Variants in CDH13 observed in about 807,000 individuals in gnomAD.
CDH13 encodes the protein cadherin-13.
A neutral mutation model predicts 63.8 loss-of-function variants in CDH13; 24 were observed. The observed-to-expected ratio is 0.38, with a 90% CI of 0.27 to 0.53. The LOEUF is 0.53. Among genes scored for constraint, CDH13 ranks in the 20% least tolerant of loss-of-function variants. CDH13 has a pLI of 0.85. For synonymous variants in CDH13, 503 were observed against 355.3 expected, an observed-to-expected ratio of 1.42 and a Z score of -4.67; for missense variants, 1,049 against 903.1, an observed-to-expected ratio of 1.16 and a Z score of -2.07.
rs748032973 is a variant in CDH13, at chr16:83,402,388, C to T, written c.781+57382C>T. Among the ~76,000 whole-genome samples the T allele has an allele frequency of 3.3e-5, 5 of 152,324 alleles. No homozygotes were observed. The South Asian group carries it at 1.0e-3, about 32-fold the overall frequency. ...GTATAGCTCCCACTAGTGTGTTGCT[C>T]TTATCCCACAAGAACGTGACTATCC... On this transcript the variant is annotated intron_variant, in intron 6 of 13. Transcript: ENST00000567109.
chr16:82,686,409 G>T (rs1276299533), intron 1 of CDH13, among the ~76,000 whole-genome samples: 1 of 152,170 alleles, frequency 6.6e-6, no homozygotes, highest in Non-Finnish European at 1.5e-5. Flanking sequence ...CCATTTGGGT[G>T]CCAGCTTCCC....
At chr16:82,795,872 G>T (rs1224427505) in intron 1 of CDH13, among the ~76,000 whole-genome samples, 1 of 151,892 alleles carries the variant, frequency 6.6e-6, no homozygotes, top group African/African-American at 2.4e-5. Flanking sequence ...ATCTCTCATA[G>T]GCATTGTGGG....
chr16:83,470,822 A>G (rs915926272), intron 6 of CDH13, among the ~76,000 whole-genome samples: 6 of 152,186 alleles, frequency 3.9e-5, no homozygotes, highest in African/African-American at 1.4e-4. Context: ...CTACATATTT[A>G]TGGTTTAAAA....
chr16:83,050,802 A>G (rs922178520), intron 3 of CDH13, among the ~76,000 whole-genome samples: 1 of 151,884 alleles, frequency 6.6e-6, no homozygotes, highest in African/African-American at 2.4e-5. Flanking sequence ...GTACCTCATT[A>G]CCTCATTACT....
At chr16:83,517,418 C>T (rs1165803403) in intron 7 of CDH13, among the ~76,000 whole-genome samples, 2 of 152,140 alleles carry the variant, frequency 1.3e-5, no homozygotes, top group Middle Eastern at 3.2e-3. Context: ...AGCTCTGTTC[C>T]ACGTAGTCAT....
At chr16:83,675,250 C>A (rs1598455323) in intron 9 of CDH13, among the ~76,000 whole-genome samples, 1 of 152,158 alleles carries the variant, frequency 6.6e-6, no homozygotes, top group African/African-American at 2.4e-5. Context: ...GGATTAGGAA[C>A]AGAGACCCAT....
intron 12 of CDH13, among the ~76,000 whole-genome samples, chr16:83,780,702 T>G (rs559925812): frequency 6.6e-6 from 1 of 152,192 alleles, no homozygotes; most frequent in Non-Finnish European, 1.5e-5. Flanking sequence ...CCTCTTTCTC[T>G]TCCTTTTTTC....
chr16:82,749,987 G>C (rs375017955), intron 1 of CDH13, among the ~76,000 whole-genome samples: 1 of 152,182 alleles, frequency 6.6e-6, no homozygotes, highest in Non-Finnish European at 1.5e-5. Flanking sequence ...ATTATGGGGA[G>C]GGTATTCCTG....
At chr16:83,283,430 A>C (rs534911171) in intron 5 of CDH13, among the ~76,000 whole-genome samples, 1 of 152,250 alleles carries the variant, frequency 6.6e-6, no homozygotes, top group Non-Finnish European at 1.5e-5. Flanking sequence ...GTCTCTACTA[A>C]AATTACAAAA....
At chr16:83,619,626 C>T (rs537062029) in intron 8 of CDH13, among the ~76,000 whole-genome samples, 31 of 146,028 alleles carry the variant, frequency 2.1e-4, no homozygotes, top group African/African-American at 7.9e-4. Context: ...TGCATGAGCA[C>T]GAGCATCCCC....
intron 3 of CDH13, among the ~76,000 whole-genome samples, chr16:83,033,474 C>G (rs370920685): frequency 7.2e-5 from 11 of 152,040 alleles, no homozygotes; most frequent in African/African-American, 2.7e-4. Flanking sequence ...TATGTGTATA[C>G]GTATGTACAG....
At chr16:83,167,232 C>G (rs1430527494) in intron 4 of CDH13, among the ~76,000 whole-genome samples, 1 of 151,398 alleles carries the variant, frequency 6.6e-6, no homozygotes, top group Middle Eastern at 3.5e-3. Flanking sequence ...CACAGTGGCT[C>G]ACGCCTGTAA....
chr16:83,730,310 G>A (rs989703794), intron 10 of CDH13, among the ~76,000 whole-genome samples: 2 of 152,280 alleles, frequency 1.3e-5, no homozygotes, highest in South Asian at 4.1e-4. Flanking sequence ...TGCGCAAAGG[G>A]GGACCTCATT....
At chr16:83,367,484 T>G in intron 6 of CDH13, among the ~76,000 whole-genome samples, 1 of 152,202 alleles carries the variant, frequency 6.6e-6, no homozygotes, top group East Asian at 1.9e-4. Context: ...TGGATATATG[T>G]TTTCATCTTT....
At chr16:83,158,035 A>G (rs924468647) in intron 4 of CDH13, among the ~76,000 whole-genome samples, 2 of 152,130 alleles carry the variant, frequency 1.3e-5, no homozygotes, top group African/African-American at 4.8e-5. Context: ...TCCAGGTATC[A>G]TGCACCTTTG....
At chr16:82,855,755 G>A (rs1241265770) in intron 1 of CDH13, among the ~76,000 whole-genome samples, 1 of 152,100 alleles carries the variant, frequency 6.6e-6, no homozygotes. Context: ...TGTTGGTCAG[G>A]GTGATGACTC....
chr16:82,717,387 G>C (rs2032446582), intron 1 of CDH13, among the ~76,000 whole-genome samples: 1 of 145,740 alleles, frequency 6.9e-6, no homozygotes, highest in South Asian at 2.2e-4. Context: ...AGTGGATTGA[G>C]ATCACACCAC....
chr16:82,826,269 C>T (rs1252071106), intron 1 of CDH13: 2 of 152,184 alleles, frequency 1.3e-5, no homozygotes, highest in Admixed American at 6.5e-5. Context: ...CAGAGGGTTG[C>T]TTTCTCATGA....
At chr16:83,031,401 CAT>C (rs1916330953) in intron 2 of CDH13, among the ~76,000 whole-genome samples, 2 of 142,588 alleles carry the variant, frequency 1.4e-5, no homozygotes, top group Admixed American at 1.4e-4. Flanking sequence ...TATACATATA[CAT>C]GTATATGTAT....
Sources: allele counts gnomAD v4.1 joint callset (sites outside exome capture counted in the v4.1 genomes callset), GRCh38; gene constraint gnomAD v4.1.1; transcripts MANE v1.5; gene names NCBI Gene and HGNC (gene_info 2026-07-23, HGNC 2026-07-21).